Variants in CDH2 observed in about 807,000 individuals in gnomAD.
The protein encoded by CDH2 is cadherin-2.
CDH2 carries 17 observed loss-of-function variants against 92.0 expected under a neutral mutation model. The observed-to-expected ratio is 0.18, with a 90% CI of 0.13 to 0.28. The LOEUF (loss-of-function observed/expected upper bound fraction) is 0.28. Ranked by LOEUF, CDH2 falls within the 10% of genes least tolerant of loss-of-function variation. The pLI, the probability that CDH2 is intolerant of heterozygous loss-of-function variation, is 1.00. For missense variants in CDH2, 862 were observed against 1,133.1 expected (o/e 0.76, Z 3.44); for synonymous variants, 419 against 415.9 (o/e 1.01, Z -0.09).
intron 14 of CDH2, among the ~76,000 whole-genome samples, chr18:27,965,417 TAAAATGTTC>T (rs1439444927): frequency 6.6e-6 from 1 of 152,192 alleles, no homozygotes; most frequent in Admixed American, 6.5e-5. Context: ...TCACAAACTA[TAAAATGTTC>T]AGGGGGAAAT....
chr18:28,031,130 C>T (rs1215444891), intron 2 of CDH2, among the ~76,000 whole-genome samples: 1 of 151,460 alleles, frequency 6.6e-6, no homozygotes, highest in Non-Finnish European at 1.5e-5. Flanking sequence ...ACTTGGAAAT[C>T]TAATAAGCAA....
chr18:27,985,270 T>TA, intron 12 of CDH2, 37 bp from the exon 13 acceptor site: 5 of 1,185,182 alleles, frequency 4.2e-6, no homozygotes, highest in Non-Finnish European at 6.2e-6. Context: ...TGATAGGTAA[T>TA]ACTTAAAGCG....
At chr18:28,139,511 G>C (rs1419260041) in intron 2 of CDH2, among the ~76,000 whole-genome samples, 1 of 151,938 alleles carries the variant, frequency 6.6e-6, no homozygotes, top group Non-Finnish European at 1.5e-5. Flanking sequence ...TCCTTGTCCT[G>C]AAGAGTTTTT....
chr18:27,962,866 C>A (rs2011443955), intron 15 of CDH2, among the ~76,000 whole-genome samples: 1 of 152,048 alleles, frequency 6.6e-6, no homozygotes, highest in Non-Finnish European at 1.5e-5. Context: ...GTCCTTAAAT[C>A]ACTTACATAA....
chr18:27,983,164 A>C (rs2143946938), intron 13 of CDH2, 81 bp from the exon 14 acceptor site: 1 of 1,050,972 alleles, frequency 9.5e-7, no homozygotes, highest in South Asian at 1.7e-5. Context: ...CAGTACTAAT[A>C]ATTTATACTT....
At chr18:28,022,590 C>A (rs1450084526) in intron 2 of CDH2, among the ~76,000 whole-genome samples, 3 of 151,928 alleles carry the variant, frequency 2.0e-5, no homozygotes, top group African/African-American at 7.2e-5. Context: ...AAAGTTCTTT[C>A]TTGTCATGAG....
intron 2 of CDH2, among the ~76,000 whole-genome samples, chr18:28,075,708 A>C (rs1001767193): frequency 1.3e-5 from 2 of 152,142 alleles, no homozygotes; most frequent in Non-Finnish European, 2.9e-5. Flanking sequence ...ATGAGTCAGC[A>C]TTCTCCCTTT....
chr18:27,983,234 T>G, intron 13 of CDH2, 151 bp from the exon 14 acceptor site: 1 of 578,266 alleles, frequency 1.7e-6, no homozygotes, highest in Non-Finnish European at 2.9e-6. Context: ...GGCCTCACAT[T>G]AAGAGAGACA....
chr18:27,948,225 AGATATAAGT>A (rs1909325434), downstream of CDH2, among the ~76,000 whole-genome samples: 1 of 146,612 alleles, frequency 6.8e-6, no homozygotes, highest in African/African-American at 2.4e-5. Context: ...TTTGGAAAAC[AGATATAAGT>A]GATATAAGTG....
chr18:27,949,874 G>C (rs1023729806), downstream of CDH2, among the ~76,000 whole-genome samples: 1 of 151,628 alleles, frequency 6.6e-6, no homozygotes, highest in African/African-American at 2.4e-5. Context: ...AACACTTAAA[G>C]TTTATACATA....
chr18:27,979,153 T>C (rs2011953610), intron 14 of CDH2, among the ~76,000 whole-genome samples: 4 of 152,124 alleles, frequency 2.6e-5, no homozygotes, highest in African/African-American at 7.2e-5. Context: ...AAGGACCTCC[T>C]ACAAGTCAGT....
At chr18:27,935,771 T>A (rs536032192) in intron 6 of CDH2, among the ~76,000 whole-genome samples, 1 of 152,376 alleles carries the variant, frequency 6.6e-6, no homozygotes, top group East Asian at 1.9e-4. Context: ...AATCAGTCTC[T>A]ATTGTTCAAT....
At chr18:28,116,428 G>C (rs2015497308) in intron 2 of CDH2, among the ~76,000 whole-genome samples, 1 of 152,072 alleles carries the variant, frequency 6.6e-6, no homozygotes, top group South Asian at 2.1e-4. Context: ...TCAGACTCTA[G>C]GTATTATTTT....
chr18:28,033,965 C>A (rs2013762138), intron 2 of CDH2, among the ~76,000 whole-genome samples: 1 of 152,064 alleles, frequency 6.6e-6, no homozygotes. Flanking sequence ...AAGCCACTAT[C>A]ATTTTATACT....
At chr18:28,138,599 C>T (rs2015902448) in intron 2 of CDH2, among the ~76,000 whole-genome samples, 1 of 152,026 alleles carries the variant, frequency 6.6e-6, no homozygotes, top group Non-Finnish European at 1.5e-5. Context: ...TTTAAGGAGC[C>T]AAGGTGATTA....
At chr18:28,132,448 G>T (rs777604970) in intron 2 of CDH2, among the ~76,000 whole-genome samples, 2 of 152,128 alleles carry the variant, frequency 1.3e-5, no homozygotes, top group Non-Finnish European at 2.9e-5. Flanking sequence ...CCTTTCTCCA[G>T]TCAAGGAGTG....
intron 1 of CDH2, among the ~76,000 whole-genome samples, chr18:28,157,112 A>C (rs781149241): frequency 6.6e-6 from 1 of 152,322 alleles, no homozygotes; most frequent in East Asian, 1.9e-4. Context: ...ATAATGGCCC[A>C]GGCAGCTGTG....
At chr18:28,074,182 G>A (rs1383604705) in intron 2 of CDH2, among the ~76,000 whole-genome samples, 2 of 152,084 alleles carry the variant, frequency 1.3e-5, no homozygotes, top group Non-Finnish European at 2.9e-5. Context: ...CTTAATATGT[G>A]GATGACACTC....
intron 2 of CDH2, among the ~76,000 whole-genome samples, chr18:28,121,664 T>G (rs2015589728): frequency 6.6e-6 from 1 of 151,282 alleles, no homozygotes; most frequent in Non-Finnish European, 1.5e-5. Flanking sequence ...CTACTAAGTA[T>G]TGACTGTGTG....
Sources: allele counts gnomAD v4.1 joint callset (sites outside exome capture counted in the v4.1 genomes callset), GRCh38; gene constraint gnomAD v4.1.1; transcripts MANE v1.5; gene names NCBI Gene and HGNC (gene_info 2026-07-23, HGNC 2026-07-21).